The following AGAP1 variants were observed in gnomAD, a reference collection of about 807,000 sequenced individuals.
AGAP1 encodes the protein arf-GAP with GTPase, ANK repeat and PH domain-containing protein 1.
In AGAP1, 29 loss-of-function variants were observed where a neutral mutation model predicts 105.3. The observed-to-expected ratio is 0.28, with a 90% CI of 0.21 to 0.38. The LOEUF is 0.38. AGAP1 is among the 10% of genes least tolerant of loss of function. The pLI, the probability that AGAP1 is intolerant of heterozygous loss-of-function variation, is 1.00. For synonymous variants in AGAP1, 509 were observed against 485.9 expected (o/e 1.05, Z -0.63); for missense variants, 998 against 1,165.1 (o/e 0.86, Z 2.09).
chr2:236,113,408 G>A lies in AGAP1; in HGVS notation c.2115-6784G>A, dbSNP rs1234836934. On this transcript the variant is annotated intron_variant, in intron 16 of 17. Transcript: ENST00000304032. This position sits in a 1 kb window ranked among gnomAD's most constrained non-coding sequence, Gnocchi z 4.3. The stretch of plus-strand genomic sequence containing the variant: ...CCCACTTCGGCCTCCCAAAGTGCTG[G>A]GATTACAGTCATGAGCCACCATGCC... 1.3e-5 allele frequency among the ~76,000 whole-genome samples: 2 copies of A among 152,290 alleles called. No individual in the cohort carries two copies. The highest frequency in any genetic ancestry group is 2.1e-4 in the South Asian group (1 of 4,826).
chr2:235,797,020 A>G (rs2150038753), intron 6 of AGAP1, among the ~76,000 whole-genome samples: 1 of 152,326 alleles, frequency 6.6e-6, no homozygotes, highest in African/African-American at 2.4e-5. Context: ...TAAACTTACA[A>G]TGTGTGCAGT....
intron 1 of AGAP1, among the ~76,000 whole-genome samples, chr2:235,543,720 AG>A (rs1443589179): frequency 6.6e-6 from 1 of 152,144 alleles, no homozygotes; most frequent in Non-Finnish European, 1.5e-5. Context: ...CAGGCCTAGG[AG>A]GCTGGGCTGA....
At chr2:235,618,176 A>G (rs1027531172) in intron 1 of AGAP1, among the ~76,000 whole-genome samples, 1 of 152,184 alleles carries the variant, frequency 6.6e-6, no homozygotes, top group African/African-American at 2.4e-5. Context: ...TGTGTAACCC[A>G]TGATATCCAT....
At chr2:235,921,616 AG>A (rs1445249207) in intron 11 of AGAP1, among the ~76,000 whole-genome samples, 4 of 152,228 alleles carry the variant, frequency 2.6e-5, no homozygotes, top group African/African-American at 9.7e-5. Context: ...TGTATTTAGT[AG>A]TAATTACATC....
At chr2:235,881,157 T>C (rs534583290) in intron 9 of AGAP1, among the ~76,000 whole-genome samples, 4 of 152,220 alleles carry the variant, frequency 2.6e-5, no homozygotes, top group Non-Finnish European at 4.4e-5. Flanking sequence ...GCTCATACTT[T>C]ATTAAGTTTG....
chr2:235,833,028 C>T (rs371182217), intron 9 of AGAP1, among the ~76,000 whole-genome samples: 2 of 152,212 alleles, frequency 1.3e-5, no homozygotes, highest in East Asian at 3.9e-4. Flanking sequence ...AGGGCATGTA[C>T]ATCATCACAA....
At position 235,741,615 on chromosome 2, in the gene AGAP1, G is replaced by A. The variant is rs557500564; in HGVS notation, c.396+567G>A. Among the ~76,000 whole-genome samples, 5 of 152,266 alleles carry A rather than the reference G, an allele frequency of 3.3e-5. No individual in the cohort carries two copies. The highest frequency in any genetic ancestry group is 9.6e-5 in the African/African-American group (4 of 41,550). ...TCATTCTGGAAATAACAAAACATGAGTGTGGAAGATCTCTTTTTTTGGTTT... is the reference window on the plus strand; with the variant it reads ...TCATTCTGGAAATAACAAAACATGAATGTGGAAGATCTCTTTTTTTGGTTT... On this transcript the variant is annotated intron_variant, in intron 4 of 17. Coordinates refer to ENST00000304032, the MANE Select transcript of AGAP1 (RefSeq NM_001037131.3). This position sits in a 1 kb window ranked among gnomAD's most constrained non-coding sequence, Gnocchi z 4.9.
At chr2:235,742,547 T>G (rs551106728) in intron 4 of AGAP1, among the ~76,000 whole-genome samples, 22 of 152,238 alleles carry the variant, frequency 1.4e-4, no homozygotes, top group African/African-American at 5.1e-4. Flanking sequence ...TCAGTGACCG[T>G]CTGGTAGTTT....
chr2:236,072,533 G>T (rs2058530529), intron 16 of AGAP1: 1 of 152,228 alleles, frequency 6.6e-6, no homozygotes, highest in South Asian at 2.1e-4. Flanking sequence ...TAAACTCCTG[G>T]GCTCAAGGGC....
intron 5 of AGAP1, among the ~76,000 whole-genome samples, chr2:235,748,422 T>TAAA (rs552360699): frequency 6.7e-6 from 1 of 149,578 alleles, no homozygotes; most frequent in African/African-American, 2.5e-5. Flanking sequence ...TGTTTATACT[T>TAAA]AAAAAAAAAA....
At position 235,655,317 on chromosome 2, in the gene AGAP1, T is replaced by C. The variant is rs1232273210; in HGVS notation, c.164-53862T>C. On this transcript the variant is annotated intron_variant, in intron 1 of 17. Coordinates refer to ENST00000304032, the MANE Select transcript of AGAP1 (RefSeq NM_001037131.3). This position sits in a 1 kb window ranked among gnomAD's most constrained non-coding sequence, Gnocchi z 4.3. ...TGGTATATGCATTCCTTGTGGTGTG[T>C]ATTAATAAATTGAGTAGGTGAAAAA... Among the ~76,000 whole-genome samples, 1 of 152,176 alleles carries C rather than the reference T, an allele frequency of 6.6e-6. No individual in the cohort carries two copies. The highest frequency in any genetic ancestry group is 1.5e-5 in the Non-Finnish European group (1 of 68,032).
At chr2:235,907,359 G>A (rs1467086063) in intron 10 of AGAP1, among the ~76,000 whole-genome samples, 1 of 152,106 alleles carries the variant, frequency 6.6e-6, no homozygotes, top group Non-Finnish European at 1.5e-5. Context: ...TAACCCCAGT[G>A]CTTTGGGAGG....
At chr2:235,975,085 G>T (rs2125378869) in intron 13 of AGAP1, among the ~76,000 whole-genome samples, 1 of 152,268 alleles carries the variant, frequency 6.6e-6, no homozygotes. Context: ...GCACATAATG[G>T]TTATCTTATT....
chr2:235,698,260 A>G (rs1950089153), intron 1 of AGAP1, among the ~76,000 whole-genome samples: 1 of 139,468 alleles, frequency 7.2e-6, no homozygotes, highest in South Asian at 2.1e-4. Flanking sequence ...CTGTAAATAC[A>G]GATGAAGCTT....
chr2:235,973,809 A>G lies in AGAP1; in HGVS notation c.1645+5186A>G, dbSNP rs1182460814. On this transcript the variant is annotated intron_variant, in intron 13 of 17. Coordinates refer to ENST00000304032, the MANE Select transcript of AGAP1 (RefSeq NM_001037131.3). The surrounding 1 kb of genome is among the most constrained non-coding windows in gnomAD (Gnocchi z 4.7). ...GCATGGGGTCGGCATGGGTTGGACC[A>G]GGGCAGAGGAACCTGGGCTCTAGAA... 6.6e-6 allele frequency among the ~76,000 whole-genome samples: 1 copy of G among 152,158 alleles called. No homozygotes were observed. The highest frequency in any genetic ancestry group is 1.5e-5 in the Non-Finnish European group (1 of 68,032).
chr2:235,987,139 A>ATTTATTTG (rs1180875038), intron 13 of AGAP1, among the ~76,000 whole-genome samples: 1 of 145,178 alleles, frequency 6.9e-6, no homozygotes, highest in Non-Finnish European at 1.5e-5. Context: ...TTATTTATTT[A>ATTTATTTG]TTGGTTGGTA....
intron 1 of AGAP1, among the ~76,000 whole-genome samples, chr2:235,629,056 C>A (rs183623686): frequency 3.0e-4 from 45 of 152,180 alleles, no homozygotes; most frequent in Admixed American, 3.3e-4. Context: ...ATGATCCAGC[C>A]GCCTTGGCCT....
intron 9 of AGAP1, among the ~76,000 whole-genome samples, chr2:235,876,998 C>T (rs1402136067): frequency 6.6e-6 from 1 of 152,062 alleles, no homozygotes; most frequent in Non-Finnish European, 1.5e-5. Flanking sequence ...CAGGCATGCA[C>T]CACCATGCTC....
intron 1 of AGAP1, among the ~76,000 whole-genome samples, chr2:235,653,203 T>G (rs374789147): frequency 1.3e-5 from 2 of 151,986 alleles, no homozygotes; most frequent in African/African-American, 2.4e-5. Context: ...CAGTGGCTCA[T>G]GCCTGTAATC....
Sources: gnomAD v4.1 joint callset for allele counts (sites outside exome capture counted in the v4.1 genomes callset) on GRCh38, gnomAD v4.1.1 for gene constraint, Gnocchi (gnomAD v3.1) non-coding constraint, MANE v1.5 for transcripts, NCBI Gene and HGNC (gene_info 2026-07-23, HGNC 2026-07-21) for gene names.